ORC4: variants seen among roughly 807,000 people sequenced by gnomAD.
ORC4 encodes origin recognition complex subunit 4.
A neutral mutation model predicts 63.9 loss-of-function variants in ORC4; 55 were observed. That is an observed-to-expected ratio of 0.86 (90% CI 0.69 to 1.08). The LOEUF (loss-of-function observed/expected upper bound fraction) is 1.08, where lower values mean the gene tolerates loss of function less well. Ranked by LOEUF, ORC4 falls within the 50% of genes least tolerant of loss-of-function variation. The pLI, the probability that ORC4 is intolerant of heterozygous loss-of-function variation, is 0.00. For missense variants in ORC4, 511 were observed against 504.4 expected (o/e 1.01, Z -0.13); for synonymous variants, 150 against 168.5 (o/e 0.89, Z 0.85).
intron 1 of ORC4, among the ~76,000 whole-genome samples, chr2:148,004,019 A>T (rs1018950130): frequency 2.6e-5 from 4 of 152,192 alleles, no homozygotes; most frequent in Non-Finnish European, 5.9e-5. Flanking sequence ...ATTCCTACAA[A>T]GAGAATAAAA....
chr2:147,965,431 T>A (rs542617199), intron 4 of ORC4, among the ~76,000 whole-genome samples: 1 of 151,546 alleles, frequency 6.6e-6, no homozygotes, highest in South Asian at 2.1e-4. Flanking sequence ...ATGAAAAAGA[T>A]ATCCTATGAA....
At chr2:147,937,876 G>A in intron 13 of ORC4, 1 of 451,298 alleles carries the variant, frequency 2.2e-6, no homozygotes, top group East Asian at 4.1e-5. Flanking sequence ...GAAAGGGAAA[G>A]GTTATATCAC....
intron 9 of ORC4, 122 bp downstream of exon 9, chr2:147,947,929 G>A: frequency 1.3e-6 from 1 of 763,852 alleles, no homozygotes; most frequent in Non-Finnish European, 2.3e-6. Context: ...TTGTATTACT[G>A]CAGCATTATC....
Position 147,932,929 on chromosome 2 carries a change from A to G in ORC4, c.*2581T>C. The G allele has an allele frequency of 6.6e-6, 1 of 152,148 alleles. No homozygotes were observed. Among genetic ancestry groups the G allele is most frequent in the East Asian group, 1.9e-4 (1 of 5,198 alleles). The allele number at this position is 152,148 out of a possible 1,614,324, so 9.4% of individuals were successfully genotyped here. On this transcript the variant is annotated 3_prime_UTR_variant, in exon 14 of 14. Coordinates refer to ENST00000392857, the MANE Select transcript of ORC4 (RefSeq NM_181741.4). ...TCTGCAAAACGTGATTCATTAGGAC[A>G]TTAACAGGTATTACGTTTTCAACAT... is the stretch of plus-strand genomic sequence containing the variant.
chr2:147,953,270 A>T lies in ORC4; in HGVS notation c.437-746T>A, dbSNP rs559183548. 1.1e-4 allele frequency among the ~76,000 whole-genome samples: 16 copies of T among 152,274 alleles called. No individual in the cohort carries two copies. In the South Asian group the frequency reaches 1.7e-3, roughly 16 times the overall value. The stretch of plus-strand genomic sequence containing the variant: ...CAGTGAGCTGAGATCACACCATTGT[A>T]TTCTAGCCTGGGCAACAAGAGTGAA... On this transcript the variant is annotated intron_variant, in intron 7 of 13. Transcript: ENST00000392857.
intron 1 of ORC4, among the ~76,000 whole-genome samples, chr2:148,019,423 C>A (rs1166418280): frequency 5.9e-5 from 9 of 152,152 alleles, no homozygotes; most frequent in Non-Finnish European, 2.9e-5. Flanking sequence ...AACCCCGTCC[C>A]TACTGAAAAC....
rs117551898 is a variant in ORC4 at position 147,940,319 on chromosome 2, T to C, written c.850-1071A>G. Among the ~76,000 whole-genome samples the C allele has an allele frequency of 4.7e-4, 71 of 152,226 alleles. No individual in the cohort carries two copies. The East Asian group carries it at 0.013, about 27-fold the overall frequency. Reference sequence around the variant, plus strand: ...ACACTGCATCATATTTGTAGTCTTTTATCCCTCGCCCCACTGGAAAACAAT... The same window carrying C: ...ACACTGCATCATATTTGTAGTCTTTCATCCCTCGCCCCACTGGAAAACAAT... On this transcript the variant is annotated intron_variant, in intron 10 of 13. Transcript: ENST00000392857.
chr2:147,956,718 C>G (rs1328839299), intron 6 of ORC4, among the ~76,000 whole-genome samples: 1 of 152,038 alleles, frequency 6.6e-6, no homozygotes, highest in Non-Finnish European at 1.5e-5. Context: ...ACTCGGAACA[C>G]AGCCAAAACA....
intron 9 of ORC4, 80 bp from the exon 10 acceptor site, chr2:147,943,602 G>A (rs1050430830): frequency 1.3e-5 from 10 of 790,244 alleles, no homozygotes; most frequent in African/African-American, 6.9e-5. Flanking sequence ...TGCCTTACTG[G>A]TTGGTGTACC....
chr2:147,953,170 TAAAAAAAAA>T (rs578262781), intron 7 of ORC4, among the ~76,000 whole-genome samples: 1 of 140,664 alleles, frequency 7.1e-6, no homozygotes, highest in African/African-American at 2.6e-5. Flanking sequence ...TCTCTGCTAT[TAAAAAAAAA>T]AAAAAAAATT....
chr2:148,009,552 C>T (rs1692827047), intron 1 of ORC4, among the ~76,000 whole-genome samples: 1 of 152,028 alleles, frequency 6.6e-6, no homozygotes, highest in African/African-American at 2.4e-5. Flanking sequence ...ACATATCTAT[C>T]CAACACAGAA....
chr2:147,966,851 T>C (rs1272671819), intron 4 of ORC4, among the ~76,000 whole-genome samples: 1 of 152,146 alleles, frequency 6.6e-6, no homozygotes. Context: ...ATTCGTTCTA[T>C]GAGGCCAGCA....
At chr2:147,982,698 G>A (rs754450557) in intron 1 of ORC4, among the ~76,000 whole-genome samples, 2 of 152,122 alleles carry the variant, frequency 1.3e-5, no homozygotes, top group Non-Finnish European at 2.9e-5. Flanking sequence ...TGTAAATAAA[G>A]TTTTAGTCCA....
At chr2:147,990,296 TC>T (rs1165851232) in intron 1 of ORC4, among the ~76,000 whole-genome samples, 1 of 152,214 alleles carries the variant, frequency 6.6e-6, no homozygotes, top group Non-Finnish European at 1.5e-5. Flanking sequence ...GAAGGTGGTT[TC>T]CATGTTTTGT....
At chr2:147,972,599 AC>A (rs1354056529) in intron 4 of ORC4, 139 bp downstream of exon 4, 5 of 474,958 alleles carry the variant, frequency 1.1e-5, no homozygotes, top group Non-Finnish European at 1.8e-5. Flanking sequence ...AAAGAAAAAA[AC>A]AAAAAAGTAA....
At chr2:147,956,975 G>T (rs1689284540) in intron 6 of ORC4, among the ~76,000 whole-genome samples, 1 of 151,316 alleles carries the variant, frequency 6.6e-6, no homozygotes, top group South Asian at 2.1e-4. Context: ...CTAAACAGGA[G>T]GTAGAATATT....
intron 4 of ORC4, among the ~76,000 whole-genome samples, chr2:147,970,971 A>C (rs944406092): frequency 1.3e-5 from 2 of 151,792 alleles, no homozygotes; most frequent in Non-Finnish European, 2.9e-5. Context: ...TCTCTACACA[A>C]AATTAAAAAA....
At chr2:148,011,969 C>T (rs1325136343) in intron 1 of ORC4, among the ~76,000 whole-genome samples, 1 of 152,070 alleles carries the variant, frequency 6.6e-6, no homozygotes, top group Non-Finnish European at 1.5e-5. Flanking sequence ...AATGAAAAGA[C>T]ATCCCATGCT....
At chr2:147,949,735 A>G (rs546685895) in intron 8 of ORC4, among the ~76,000 whole-genome samples, 1 of 152,298 alleles carries the variant, frequency 6.6e-6, no homozygotes, top group Admixed American at 6.5e-5. Context: ...TTTTTGCCTC[A>G]AAATAATACA....
Sources: allele counts gnomAD v4.1 joint callset (sites outside exome capture counted in the v4.1 genomes callset), GRCh38; gene constraint gnomAD v4.1.1; transcripts MANE v1.5; gene names NCBI Gene and HGNC (gene_info 2026-07-23, HGNC 2026-07-21).